Variants in PRMT9 observed in about 807,000 individuals in gnomAD.
PRMT9 encodes the protein protein arginine methyltransferase 9.
Under a neutral mutation model 83.2 loss-of-function variants are expected in PRMT9, and 59 were observed. The observed-to-expected ratio is 0.71, with a 90% CI of 0.57 to 0.88. The LOEUF is 0.88. Among genes scored for constraint, PRMT9 ranks in the 40% least tolerant of loss-of-function variants. The pLI is 0.00. For synonymous variants in PRMT9, 333 were observed against 353.2 expected (o/e 0.94, Z 0.64); for missense variants, 947 against 1,021.9 (o/e 0.93, Z 1.00).
At chr4:147,640,018 C>T (rs1229902964) in intron 10 of PRMT9, among the ~76,000 whole-genome samples, 2 of 145,516 alleles carry the variant, frequency 1.4e-5, no homozygotes, top group Non-Finnish European at 1.5e-5. Context: ...ACCTCATAGT[C>T]GGCCCCCACT....
chr4:147,661,291 G>A (rs977884003), intron 6 of PRMT9: 16 of 383,308 alleles, frequency 4.2e-5, no homozygotes, highest in Non-Finnish European at 5.9e-5. Context: ...CTGTAATAAA[G>A]TAAAAAGCAA....
At chr4:147,640,910 A>G (rs192245701) in intron 10 of PRMT9, among the ~76,000 whole-genome samples, 8 of 152,064 alleles carry the variant, frequency 5.3e-5, no homozygotes, top group African/African-American at 1.9e-4. Context: ...AGACAGTCTC[A>G]CTTTGTTGCC....
At chr4:147,672,169 G>A (rs1735781903) in intron 4 of PRMT9, 1 of 254,972 alleles carries the variant, frequency 3.9e-6, no homozygotes, top group East Asian at 1.1e-4. Context: ...ATTTTTTCAT[G>A]AGAATAAATG....
chr4:147,669,454 G>T (rs879349375), intron 5 of PRMT9, among the ~76,000 whole-genome samples: 4 of 152,106 alleles, frequency 2.6e-5, no homozygotes, highest in Non-Finnish European at 5.9e-5. Flanking sequence ...AAATGCAAAG[G>T]ATACAAGAAA....
intron 7 of PRMT9, among the ~76,000 whole-genome samples, chr4:147,659,199 G>A (rs1275975757): frequency 2.7e-5 from 4 of 147,860 alleles, no homozygotes; most frequent in African/African-American, 1.0e-4. Flanking sequence ...AAAAGAGTTC[G>A]AGACCAGCCT....
chr4:147,662,107 GA>G (rs1302698973), intron 6 of PRMT9, among the ~76,000 whole-genome samples: 4 of 151,288 alleles, frequency 2.6e-5, no homozygotes, highest in Non-Finnish European at 5.9e-5. Context: ...TTCTGATAGC[GA>G]AAAAAAACTG....
intron 10 of PRMT9, among the ~76,000 whole-genome samples, chr4:147,641,641 C>G (rs1165785380): frequency 1.3e-5 from 2 of 152,088 alleles, no homozygotes. Flanking sequence ...TTTCATAGCC[C>G]TATTCCCCAA....
At chr4:147,641,649 C>T (rs991673377) in intron 10 of PRMT9, among the ~76,000 whole-genome samples, 1 of 152,090 alleles carries the variant, frequency 6.6e-6, no homozygotes, top group African/African-American at 2.4e-5. Context: ...CCCTATTCCC[C>T]AAATCTAAAT....
At chr4:147,682,318 T>C (rs1019403792) in intron 1 of PRMT9, among the ~76,000 whole-genome samples, 1 of 152,190 alleles carries the variant, frequency 6.6e-6, no homozygotes, top group Non-Finnish European at 1.5e-5. Flanking sequence ...TAGCTGTGAT[T>C]ACAGGCATGC....
intron 2 of PRMT9, among the ~76,000 whole-genome samples, chr4:147,676,842 G>A (rs4130754): frequency 3.3e-5 from 5 of 152,128 alleles, no homozygotes; most frequent in South Asian, 2.1e-4. Context: ...TCAGGAGGTC[G>A]AGACCAGCCT....
At chr4:147,667,606 C>T (rs1735428733) in intron 6 of PRMT9, among the ~76,000 whole-genome samples, 1 of 152,098 alleles carries the variant, frequency 6.6e-6, no homozygotes, top group South Asian at 2.1e-4. Flanking sequence ...GAATATATAA[C>T]AAAGATGAAA....
chr4:147,669,111 A>C (rs1735565003), intron 5 of PRMT9, among the ~76,000 whole-genome samples: 1 of 151,994 alleles, frequency 6.6e-6, no homozygotes, highest in Non-Finnish European at 1.5e-5. Flanking sequence ...ATTTTTGGCC[A>C]GGCCTGGCAG....
Position 147,639,189 on chromosome 4 carries a change from G to A in PRMT9, c.2200-107C>T, listed in dbSNP as rs900306760. Reference sequence around the variant, plus strand: ...TGTGGTCAGGGATTGCTTTGTACTTGACTCAATAGTACTTGACAGAATGCT... The same window carrying A: ...TGTGGTCAGGGATTGCTTTGTACTTAACTCAATAGTACTTGACAGAATGCT... On this transcript the variant is annotated intron_variant, in intron 10 of 11. Transcript: ENST00000322396. 12 of 1,104,574 alleles carry A rather than the reference G, an allele frequency of 1.1e-5. No individual in the cohort carries two copies. The African/African-American group carries it at 1.6e-4, about 14-fold the overall frequency. 68.4% of individuals were successfully genotyped at this position (1,104,574 alleles called of 1,614,324 possible). A position where few individuals can be genotyped will look rare whatever the true frequency, so the allele number is the denominator to read the frequency against.
intron 6 of PRMT9, among the ~76,000 whole-genome samples, chr4:147,662,080 G>A (rs534979976): frequency 3.6e-4 from 55 of 152,182 alleles, no homozygotes; most frequent in African/African-American, 1.2e-3. Context: ...GTTCAAGAAT[G>A]TTTATAGCTA....
chr4:147,652,081 A>G (rs1016801650), intron 9 of PRMT9, among the ~76,000 whole-genome samples: 1 of 152,226 alleles, frequency 6.6e-6, no homozygotes, highest in Non-Finnish European at 1.5e-5. Flanking sequence ...CATTCTCAAC[A>G]GTCACACTGC....
intron 2 of PRMT9, among the ~76,000 whole-genome samples, chr4:147,675,601 G>A (rs1221040128): frequency 6.6e-6 from 1 of 152,022 alleles, no homozygotes. Context: ...CTGGGTTTGT[G>A]CTTCCCTTAG....
rs1306561551 is a variant in PRMT9 at position 147,653,988 on chromosome 4, G to A, written c.1909C>T (p.Leu637=). 1.2e-6 allele frequency: 2 copies of A among 1,614,140 alleles called. No homozygotes were observed. Among genetic ancestry groups the A allele is most frequent in the East Asian group, 2.2e-5 (1 of 44,882 alleles). The change falls in exon 9 of 12, where the codon CTG becomes TTG. Residue 637 remains leucine (L), a synonymous_variant. Coordinates refer to ENST00000322396, the MANE Select transcript of PRMT9 (RefSeq NM_138364.4). ...GCAGATTCATCCTCCACATGTCTCA[G>A]CCAAAACTCAAGTGTTTCTTTAGGA... ...HFPKETLEFW[L]RHVEDESAML... is the part of the protein sequence containing the mutation.
At chr4:147,641,347 G>A (rs971326217) in intron 10 of PRMT9, among the ~76,000 whole-genome samples, 3 of 152,116 alleles carry the variant, frequency 2.0e-5, no homozygotes, top group Admixed American at 6.5e-5. Flanking sequence ...GCTTCTTGCT[G>A]TTTTTGATAC....
Position 147,642,831 on chromosome 4 carries a change from G to A in PRMT9, c.2155C>T (p.Arg719Cys), listed in dbSNP as rs138286974. The A allele has an allele frequency of 2.3e-4, 374 of 1,613,716 alleles. 1 individual carries two copies. Among genetic ancestry groups the A allele is most frequent in the South Asian group, 7.2e-4 (66 of 91,076 alleles). Residue 719 changes from arginine to cysteine, a missense_variant, in exon 10 of 12, where the codon CGT becomes TGT. Physicochemically the swap from Arg to Cys is radical, Grantham distance 180 (BLOSUM62 -3). Coordinates refer to ENST00000322396, the MANE Select transcript of PRMT9 (RefSeq NM_138364.4). Reference protein sequence around the residue: ...LEENAVQGTERTLGLNIAPFI... With the variant: ...LEENAVQGTECTLGLNIAPFI... ...GGTGCTATATTTAATCCAAGAGTAC[G>A]TTCTGTTCCTTGAACAGCATTCTCC...
Sources: allele counts gnomAD v4.1 joint callset (sites outside exome capture counted in the v4.1 genomes callset), GRCh38; gene constraint gnomAD v4.1.1; transcripts MANE v1.5; gene names NCBI Gene and HGNC (gene_info 2026-07-23, HGNC 2026-07-21).